The following GALNT17 variants were observed in gnomAD, a reference collection of about 807,000 sequenced individuals.
GALNT17 encodes UDP-GalNAc:polypeptide N-acetylgalactosaminyltransferase-like 3.
Under a neutral mutation model 63.7 loss-of-function variants are expected in GALNT17, and 29 were observed. The observed-to-expected ratio is 0.46, with a 90% confidence interval of 0.34 to 0.62. The LOEUF (loss-of-function observed/expected upper bound fraction) is 0.62, where lower values mean the gene tolerates loss of function less well. Among genes scored for constraint, GALNT17 ranks in the 20% least tolerant of loss-of-function variants. GALNT17 has a pLI of 0.01. For synonymous variants in GALNT17, 305 were observed against 318.3 expected (o/e 0.96, Z 0.45); for missense variants, 603 against 799.6 (o/e 0.75, Z 2.97).
chr7:71,481,619 T>C (rs536458125), intron 5 of GALNT17, among the ~76,000 whole-genome samples: 1 of 152,108 alleles, frequency 6.6e-6, no homozygotes, highest in East Asian at 1.9e-4. Flanking sequence ...AGCAGCCGCT[T>C]TGTAGCTCAC....
intron 1 of GALNT17, among the ~76,000 whole-genome samples, chr7:71,245,278 T>TG (rs554443429): frequency 6.6e-6 from 1 of 152,118 alleles, no homozygotes; most frequent in African/African-American, 2.4e-5. Flanking sequence ...GAAGATTCTG[T>TG]GGGGGCCGTG....
intron 1 of GALNT17, among the ~76,000 whole-genome samples, chr7:71,257,017 C>T (rs796921557): frequency 3.9e-5 from 6 of 152,334 alleles, no homozygotes; most frequent in African/African-American, 1.4e-4. Context: ...CCTTCTGCAA[C>T]ATTCCTGCTG....
intron 3 of GALNT17, among the ~76,000 whole-genome samples, chr7:71,402,809 G>T (rs1474238971): frequency 6.6e-6 from 1 of 151,178 alleles, no homozygotes; most frequent in African/African-American, 2.5e-5. Context: ...GAGAAGTCTT[G>T]TGTTTCCAAG....
chr7:71,400,896 A>G (rs1793227652), intron 3 of GALNT17, among the ~76,000 whole-genome samples: 1 of 152,156 alleles, frequency 6.6e-6, no homozygotes, highest in Admixed American at 6.5e-5. Context: ...GGGATATGCT[A>G]AGAATTAAGA....
chr7:71,545,171 C>T (rs995702497), intron 5 of GALNT17, among the ~76,000 whole-genome samples: 2 of 152,094 alleles, frequency 1.3e-5, no homozygotes, highest in Non-Finnish European at 2.9e-5. Flanking sequence ...TTTTTCTCCT[C>T]GTATGTATAA....
chr7:71,269,340 A>G (rs1055159687), intron 1 of GALNT17, among the ~76,000 whole-genome samples: 1 of 152,126 alleles, frequency 6.6e-6, no homozygotes, highest in African/African-American at 2.4e-5. Context: ...GGTGGTGCAC[A>G]CCTGTAGTCC....
At chr7:71,278,523 A>T (rs77645968) in intron 1 of GALNT17, among the ~76,000 whole-genome samples, 1 of 152,200 alleles carries the variant, frequency 6.6e-6, no homozygotes, top group East Asian at 1.9e-4. Flanking sequence ...CCTTTGTCGT[A>T]ATATGTTCTC....
At chr7:71,336,636 C>T (rs919910456) in intron 2 of GALNT17, among the ~76,000 whole-genome samples, 3 of 152,132 alleles carry the variant, frequency 2.0e-5, no homozygotes, top group African/African-American at 7.2e-5. Flanking sequence ...GGACAATGGC[C>T]TCCAACTCCA....
At chr7:71,435,563 G>T (rs938724773) in intron 5 of GALNT17, among the ~76,000 whole-genome samples, 1 of 152,074 alleles carries the variant, frequency 6.6e-6, no homozygotes, top group Non-Finnish European at 1.5e-5. Flanking sequence ...GGATCAGCTG[G>T]TGCCACCCAG....
At chr7:71,435,995 G>T (rs960294970) in intron 5 of GALNT17, among the ~76,000 whole-genome samples, 1 of 148,468 alleles carries the variant, frequency 6.7e-6, no homozygotes, top group Non-Finnish European at 1.5e-5. Context: ...ACTCCAGCCT[G>T]GGTTACAGAA....
chr7:71,629,814 G>A (rs944766851), intron 6 of GALNT17, among the ~76,000 whole-genome samples: 1 of 152,178 alleles, frequency 6.6e-6, no homozygotes, highest in Admixed American at 6.5e-5. Context: ...TAGAGAGGCA[G>A]TCTTGCTGTA....
In GALNT17 at chr7:71,361,737, A is replaced by C. The variant is rs79275982; in HGVS notation, c.422+26004A>C. Among the ~76,000 whole-genome samples the C allele has an allele frequency of 3.7e-3, 567 of 152,276 alleles. 3 individuals carry two copies. The highest frequency in any genetic ancestry group is 0.013 in the African/African-American group (532 of 41,548). ...TCAGGTTGCAAATCCTGGTGACTCC[A>C]GCACAATATGTGTTATAAATAGCAT... On this transcript the variant is annotated intron_variant, in intron 2 of 10. Transcript: ENST00000333538.
chr7:71,241,846 G>A (rs535512510), intron 1 of GALNT17, among the ~76,000 whole-genome samples: 11 of 152,196 alleles, frequency 7.2e-5, no homozygotes, highest in African/African-American at 2.2e-4. Flanking sequence ...CCATGATCAC[G>A]CCCCTGCACC....
intron 6 of GALNT17, among the ~76,000 whole-genome samples, chr7:71,612,856 G>A (rs555656475): frequency 7.1e-4 from 108 of 152,204 alleles, no homozygotes; most frequent in Non-Finnish European, 1.4e-3. Context: ...TGAACCATTC[G>A]GTTTTCGGTT....
intron 6 of GALNT17, among the ~76,000 whole-genome samples, chr7:71,646,018 G>T (rs1014639619): frequency 9.2e-5 from 14 of 152,228 alleles, no homozygotes; most frequent in African/African-American, 3.4e-4. Flanking sequence ...CTGATCTTTT[G>T]ATGTGGCAAT....
Position 71,275,448 on chromosome 7 carries a change from C to G in GALNT17, c.239-60102C>G, listed in dbSNP as rs1480692017. 2.6e-5 allele frequency among the ~76,000 whole-genome samples: 4 copies of G among 152,168 alleles called. No individual in the cohort carries two copies. The East Asian group carries it at 7.7e-4, about 29-fold the overall frequency. On this transcript the variant is annotated intron_variant, in intron 1 of 10. Transcript: ENST00000333538. ...AAATTCCCAGGCCCCACCTTCAGAC[C>G]CTGAAGATCAGAAGCCCTGTGATGG...
intron 2 of GALNT17, among the ~76,000 whole-genome samples, chr7:71,339,205 A>G (rs1362416523): frequency 1.3e-5 from 2 of 152,302 alleles, no homozygotes; most frequent in East Asian, 3.9e-4. Context: ...CCCACTGGAG[A>G]TAGACACTTG....
chr7:71,690,323 C>T (rs1791423159), intron 9 of GALNT17, among the ~76,000 whole-genome samples: 1 of 151,614 alleles, frequency 6.6e-6, no homozygotes, highest in Admixed American at 6.6e-5. Flanking sequence ...AACGCCTGGC[C>T]GGTTTGCTGA....
chr7:71,686,795 C>T (rs920874840), intron 9 of GALNT17, among the ~76,000 whole-genome samples: 2 of 152,142 alleles, frequency 1.3e-5, no homozygotes, highest in Non-Finnish European at 2.9e-5. Flanking sequence ...CTAACACGTT[C>T]CTGCAAATTC....
Sources: gnomAD v4.1 joint callset for allele counts (sites outside exome capture counted in the v4.1 genomes callset) on GRCh38, gnomAD v4.1.1 for gene constraint, MANE v1.5 for transcripts, NCBI Gene and HGNC (gene_info 2026-07-23, HGNC 2026-07-21) for gene names.